CNGB3: variants seen among roughly 807,000 people sequenced by gnomAD.
CNGB3 encodes the protein cyclic nucleotide-gated channel beta-3.
In CNGB3, 86 loss-of-function variants were observed where a neutral mutation model predicts 92.8. The ratio of observed to expected loss-of-function variants is 0.93; its 90% CI spans 0.78 to 1.11. The LOEUF (loss-of-function observed/expected upper bound fraction) is 1.11. CNGB3 is among the 50% of genes least tolerant of loss of function. CNGB3 has a pLI of 0.00. For missense variants in CNGB3, 1,026 were observed against 956.8 expected (o/e 1.07, Z -0.95); for synonymous variants, 333 against 332.7 (o/e 1.00, Z -0.01).
At chr8:86,586,475 A>C (rs1821895753) in intron 15 of CNGB3, among the ~76,000 whole-genome samples, 1 of 129,502 alleles carries the variant, frequency 7.7e-6, no homozygotes, top group Admixed American at 7.8e-5. Context: ...TCCCAATGCT[A>C]TCCCTCCCCC....
At chr8:86,671,810 G>A (rs577750366) in intron 3 of CNGB3, among the ~76,000 whole-genome samples, 2 of 152,270 alleles carry the variant, frequency 1.3e-5, no homozygotes, top group African/African-American at 4.8e-5. Context: ...AATGAACTTG[G>A]AAGTAAATTC....
intron 3 of CNGB3, among the ~76,000 whole-genome samples, chr8:86,711,321 G>T (rs1824746735): frequency 2.0e-5 from 3 of 152,206 alleles, no homozygotes; most frequent in Admixed American, 2.0e-4. Context: ...ATCTGAGATT[G>T]TTCACTCTTG....
At chr8:86,739,916 C>A (rs1490805708) in intron 1 of CNGB3, among the ~76,000 whole-genome samples, 180 bp from the exon 2 acceptor site, 2 of 152,176 alleles carry the variant, frequency 1.3e-5, no homozygotes, top group African/African-American at 4.8e-5. Flanking sequence ...ATTGAATAAT[C>A]AACCTCAGCC....
chr8:86,628,857 T>C (rs1397338964), intron 12 of CNGB3, 62 bp downstream of exon 12: 1 of 1,567,966 alleles, frequency 6.4e-7, no homozygotes, highest in Non-Finnish European at 8.8e-7. Context: ...TCTGCTACCT[T>C]ACAGAATTTT....
intron 13 of CNGB3, among the ~76,000 whole-genome samples, chr8:86,622,708 C>G (rs77625592): frequency 0.051 from 7,765 of 152,266 alleles, 261 homozygotes; most frequent in Non-Finnish European, 0.081. Flanking sequence ...AGCCATGGAA[C>G]CTGGCCTGCA....
At chr8:86,647,371 A>G (rs76779122) in intron 8 of CNGB3, among the ~76,000 whole-genome samples, 1 of 150,866 alleles carries the variant, frequency 6.6e-6, no homozygotes, top group Non-Finnish European at 1.5e-5. Context: ...ATTTTTTTTT[A>G]GAATTACAAA....
intron 7 of CNGB3, among the ~76,000 whole-genome samples, chr8:86,653,457 A>G (rs1823443500): frequency 6.6e-6 from 1 of 152,080 alleles, no homozygotes; most frequent in African/African-American, 2.4e-5. Context: ...TTGAAGTGAG[A>G]GGCTAGAGTT....
chr8:86,626,275 T>C (rs1822846820), intron 12 of CNGB3, among the ~76,000 whole-genome samples, 195 bp from the exon 13 acceptor site: 1 of 152,198 alleles, frequency 6.6e-6, no homozygotes, highest in African/African-American at 2.4e-5. Flanking sequence ...ACTATTATGC[T>C]TATGCAATAA....
At chr8:86,659,740 A>G (rs1398484299) in intron 6 of CNGB3, 11 of 371,680 alleles carry the variant, frequency 3.0e-5, no homozygotes, top group Non-Finnish European at 4.8e-5. Flanking sequence ...GAGGATCCCT[A>G]TGGTCTGAAT....
At position 86,574,363 on chromosome 8, in the gene CNGB3, A is replaced by G. The variant is rs1409339108; in HGVS notation, c.*1441T>C. On this transcript the variant is annotated 3_prime_UTR_variant, in exon 18 of 18. Coordinates refer to ENST00000320005, the MANE Select transcript of CNGB3 (RefSeq NM_019098.5). ...TTTATACGCAATTCACTCTTTCTGC[A>G]TACAAACTCCCATTTATCAAATAAA... is the stretch of plus-strand genomic sequence containing the variant. The G allele has an allele frequency of 2.6e-5, 4 of 152,176 alleles. No individual in the cohort carries two copies. The highest frequency in any genetic ancestry group is 9.7e-5 in the African/African-American group (4 of 41,440). The allele number at this position is 152,176 out of a possible 1,614,324, so 9.4% of individuals were successfully genotyped here. A position where few individuals can be genotyped will look rare whatever the true frequency, so the allele number is the denominator to read the frequency against.
At chr8:86,644,144 C>T (rs1467255949) in intron 9 of CNGB3, among the ~76,000 whole-genome samples, 1 of 151,174 alleles carries the variant, frequency 6.6e-6, no homozygotes, top group South Asian at 2.1e-4. Flanking sequence ...CCGTGAAAGA[C>T]ATGCCTCAAA....
chr8:86,636,080 A>C, intron 10 of CNGB3, among the ~76,000 whole-genome samples: 1 of 151,816 alleles, frequency 6.6e-6, no homozygotes, highest in South Asian at 2.1e-4. Context: ...AGATTCTACC[A>C]TTAACATTTT....
At chr8:86,590,897 A>G (rs1441094958) in intron 15 of CNGB3, among the ~76,000 whole-genome samples, 1 of 151,204 alleles carries the variant, frequency 6.6e-6, no homozygotes, top group East Asian at 1.9e-4. Context: ...GCCTTGCTAG[A>G]TTGGGGAAAT....
chr8:86,684,749 C>CTT (rs1824151456), intron 3 of CNGB3, among the ~76,000 whole-genome samples: 5 of 151,212 alleles, frequency 3.3e-5, no homozygotes, highest in Non-Finnish European at 5.9e-5. Flanking sequence ...TCTCTAAAGA[C>CTT]TATGTACTGT....
chr8:86,708,532 TTTAC>T (rs1471018729), intron 3 of CNGB3, among the ~76,000 whole-genome samples: 1 of 151,474 alleles, frequency 6.6e-6, no homozygotes, highest in African/African-American at 2.4e-5. Flanking sequence ...GCTTTTTTTC[TTTAC>T]TTTCTTTCTT....
intron 3 of CNGB3, among the ~76,000 whole-genome samples, chr8:86,720,819 T>TGC (rs1824953417): frequency 2.2e-5 from 1 of 44,752 alleles, no homozygotes; most frequent in African/African-American, 2.3e-4. Flanking sequence ...ATGGCATATA[T>TGC]ATATATATAT....
At chr8:86,658,342 C>T (rs559065253) in intron 6 of CNGB3, 36 of 469,710 alleles carry the variant, frequency 7.7e-5, no homozygotes, top group South Asian at 5.8e-4. Context: ...AGCGCCTCCT[C>T]CTCACTGTCC....
intron 6 of CNGB3, chr8:86,657,672 G>A (rs189664095): frequency 1.6e-5 from 7 of 438,646 alleles, no homozygotes; most frequent in African/African-American, 1.2e-4. Flanking sequence ...GTTCTTGGCA[G>A]CTGCCAGGAA....
chr8:86,705,150 AG>A (rs1238979083), intron 3 of CNGB3, among the ~76,000 whole-genome samples: 2 of 152,168 alleles, frequency 1.3e-5, no homozygotes, highest in African/African-American at 4.8e-5. Context: ...TAACTGCTGA[AG>A]TCCTTTGCCA....
Sources: allele counts gnomAD v4.1 joint callset (sites outside exome capture counted in the v4.1 genomes callset), GRCh38; gene constraint gnomAD v4.1.1; transcripts MANE v1.5; gene names NCBI Gene and HGNC (gene_info 2026-07-23, HGNC 2026-07-21).